Variants in NRG1 observed in about 807,000 individuals in gnomAD.
NRG1 encodes pro-neuregulin-1, membrane-bound isoform.
A neutral mutation model predicts 63.8 loss-of-function variants in NRG1; 18 were observed. The ratio of observed to expected loss-of-function variants is 0.28; its 90% CI spans 0.19 to 0.42. The LOEUF is 0.42. Ranked by LOEUF, NRG1 falls within the 10% of genes least tolerant of loss-of-function variation. The pLI is 1.00. For missense variants in NRG1, 762 were observed against 814.7 expected, an observed-to-expected ratio of 0.94 and a Z score of 0.79; for synonymous variants, 302 against 301.3, an observed-to-expected ratio of 1.00 and a Z score of -0.02.
At chr8:32,115,675 C>G (rs1009512109) in intron 1 of NRG1, among the ~76,000 whole-genome samples, 2 of 152,026 alleles carry the variant, frequency 1.3e-5, no homozygotes, top group Non-Finnish European at 2.9e-5. Context: ...TTTATGTTGT[C>G]CGGGATGCTA....
chr8:31,840,606 T>C (rs1348568572), intron 1 of NRG1, among the ~76,000 whole-genome samples: 1 of 152,106 alleles, frequency 6.6e-6, no homozygotes, highest in African/African-American at 2.4e-5. Flanking sequence ...TCTGCCCCCA[T>C]GTCATAGAAG....
At chr8:31,661,529 A>G (rs970849870) in intron 1 of NRG1, among the ~76,000 whole-genome samples, 1 of 152,218 alleles carries the variant, frequency 6.6e-6, no homozygotes, top group Non-Finnish European at 1.5e-5. Flanking sequence ...AACTCTGATG[A>G]TTATTTTGAT....
At chr8:32,144,966 C>T (rs1040720890) in intron 1 of NRG1, among the ~76,000 whole-genome samples, 3 of 152,160 alleles carry the variant, frequency 2.0e-5, no homozygotes, top group South Asian at 2.1e-4. Context: ...ATTTGTTATT[C>T]GATCTTTTCT....
At chr8:31,769,912 C>G (rs996694208) in intron 1 of NRG1, among the ~76,000 whole-genome samples, 1 of 152,276 alleles carries the variant, frequency 6.6e-6, no homozygotes, top group East Asian at 1.9e-4. Context: ...GGGAAACACT[C>G]TGGGGTGTTT....
intron 1 of NRG1, among the ~76,000 whole-genome samples, chr8:31,931,072 C>T (rs911875837): frequency 1.3e-5 from 2 of 152,156 alleles, no homozygotes; most frequent in South Asian, 4.2e-4. Flanking sequence ...CTATTTCCAC[C>T]GGACTTTTGC....
intron 1 of NRG1, among the ~76,000 whole-genome samples, chr8:32,470,050 T>G (rs1367223898): frequency 8.3e-6 from 1 of 121,168 alleles, no homozygotes; most frequent in African/African-American, 3.3e-5. Flanking sequence ...TTTTTTTTTT[T>G]GTAGTAGAGA....
chr8:31,707,247 TA>T (rs1359637630), intron 1 of NRG1, among the ~76,000 whole-genome samples: 3 of 152,128 alleles, frequency 2.0e-5, no homozygotes, highest in Non-Finnish European at 2.9e-5. Context: ...ATGACTTAAT[TA>T]TTGAATTGAC....
At chr8:32,760,611 T>A (rs1292550369) in intron 11 of NRG1, 1 of 1,376,734 alleles carries the variant, frequency 7.3e-7, no homozygotes, top group Non-Finnish European at 9.4e-7. Flanking sequence ...TCCCAGTGAC[T>A]GACAGGCAAC....
At chr8:31,759,475 T>C (rs1817313474) in intron 1 of NRG1, among the ~76,000 whole-genome samples, 1 of 152,056 alleles carries the variant, frequency 6.6e-6, no homozygotes, top group East Asian at 1.9e-4. Flanking sequence ...TTCTAGTACA[T>C]TCATCAAAAA....
At chr8:32,351,774 T>A (rs1805641817) in intron 1 of NRG1, among the ~76,000 whole-genome samples, 1 of 152,210 alleles carries the variant, frequency 6.6e-6, no homozygotes, top group African/African-American at 2.4e-5. Flanking sequence ...ACTTCTACCA[T>A]GACTTCTGAG....
At chr8:32,619,110 A>T (rs960885258) in intron 5 of NRG1, among the ~76,000 whole-genome samples, 1 of 152,076 alleles carries the variant, frequency 6.6e-6, no homozygotes, top group Non-Finnish European at 1.5e-5. Flanking sequence ...CCTTCTTGGG[A>T]GGCTGAGGTG....
At chr8:32,266,182 G>A (rs1361488492) in intron 1 of NRG1, among the ~76,000 whole-genome samples, 1 of 152,182 alleles carries the variant, frequency 6.6e-6, no homozygotes, top group Non-Finnish European at 1.5e-5. Flanking sequence ...TCCCAACAGT[G>A]TGCGCTGATG....
At chr8:32,559,378 T>G (rs1230093339) in intron 1 of NRG1, among the ~76,000 whole-genome samples, 1 of 152,094 alleles carries the variant, frequency 6.6e-6, no homozygotes, top group Non-Finnish European at 1.5e-5. Context: ...TTGTCATATT[T>G]TATGGTACAT....
intron 1 of NRG1, among the ~76,000 whole-genome samples, chr8:32,267,048 C>CA (rs1181982879): frequency 7.4e-6 from 1 of 134,876 alleles, no homozygotes; most frequent in Non-Finnish European, 1.6e-5. Flanking sequence ...GACTCCATCT[C>CA]AAAAAAAGAA....
chr8:32,595,106 G>C (rs535002826), intron 1 of NRG1, among the ~76,000 whole-genome samples: 1 of 152,298 alleles, frequency 6.6e-6, no homozygotes, highest in East Asian at 1.9e-4. Flanking sequence ...CCTATTCACA[G>C]TACTGTGATA....
intron 1 of NRG1, among the ~76,000 whole-genome samples, chr8:32,105,522 G>A (rs763442707): frequency 7.2e-5 from 11 of 152,148 alleles, no homozygotes; most frequent in Middle Eastern, 3.4e-3. Flanking sequence ...CCTCCCACCA[G>A]GTGTCTCCCA....
At chr8:32,746,024 A>G (rs78062749) in intron 7 of NRG1, among the ~76,000 whole-genome samples, 14,411 of 152,170 alleles carry the variant, frequency 0.095, 778 homozygotes, top group Admixed American at 0.1. Flanking sequence ...ATTCTTGTTC[A>G]TCAAACATGT....
chr8:32,751,640 G>C (rs1475052416), intron 7 of NRG1, among the ~76,000 whole-genome samples: 1 of 152,202 alleles, frequency 6.6e-6, no homozygotes, highest in Non-Finnish European at 1.5e-5. Context: ...GGTCAATGCT[G>C]ATGTGAATAT....
At chr8:32,744,658 TA>T (rs1249152387) in intron 7 of NRG1, among the ~76,000 whole-genome samples, 2 of 152,162 alleles carry the variant, frequency 1.3e-5, no homozygotes, top group African/African-American at 2.4e-5. Context: ...TCTGATCACT[TA>T]ATTAAGTTAC....
Sources: gnomAD v4.1 joint callset for allele counts (sites outside exome capture counted in the v4.1 genomes callset) on GRCh38, gnomAD v4.1.1 for gene constraint, MANE v1.5 for transcripts, NCBI Gene and HGNC (gene_info 2026-07-23, HGNC 2026-07-21) for gene names.